Variants in TRAPPC9 observed in about 807,000 individuals in gnomAD.
TRAPPC9 encodes the protein trafficking protein particle complex subunit 9.
TRAPPC9 carries 83 observed loss-of-function variants against 124.0 expected under a neutral mutation model. That is an observed-to-expected ratio of 0.67 (90% CI 0.56 to 0.80). The LOEUF (loss-of-function observed/expected upper bound fraction) is 0.80. TRAPPC9 is among the 30% of genes least tolerant of loss of function. TRAPPC9 has a pLI of 0.00. For missense variants in TRAPPC9, 1,302 were observed against 1,508.3 expected, an observed-to-expected ratio of 0.86 and a Z score of 2.27; for synonymous variants, 638 against 617.5, an observed-to-expected ratio of 1.03 and a Z score of -0.49.
At chr8:139,808,679 A>C (rs1164576873) in intron 21 of TRAPPC9, among the ~76,000 whole-genome samples, 4 of 152,100 alleles carry the variant, frequency 2.6e-5, no homozygotes, top group African/African-American at 9.7e-5. Flanking sequence ...AGATTTACCA[A>C]TTCTGGATGT....
intron 10 of TRAPPC9, among the ~76,000 whole-genome samples, chr8:140,306,293 AG>A (rs1314638700): frequency 6.6e-6 from 1 of 152,136 alleles, no homozygotes; most frequent in African/African-American, 2.4e-5. Flanking sequence ...CAAGGGTTTG[AG>A]ACCAGCCTGG....
chr8:140,428,020 C>T (rs2070491464), intron 4 of TRAPPC9, among the ~76,000 whole-genome samples: 1 of 152,178 alleles, frequency 6.6e-6, no homozygotes, highest in Admixed American at 6.5e-5. Context: ...GCCCCACCGC[C>T]ACACACGCCA....
intron 17 of TRAPPC9, among the ~76,000 whole-genome samples, chr8:140,136,325 C>A (rs2061302748): frequency 6.6e-6 from 1 of 152,158 alleles, no homozygotes; most frequent in African/African-American, 2.4e-5. Context: ...CAGGAGCCCA[C>A]ACAGGAGGAC....
chr8:139,767,006 G>A (rs927192852), intron 21 of TRAPPC9, among the ~76,000 whole-genome samples: 9 of 152,142 alleles, frequency 5.9e-5, no homozygotes, highest in South Asian at 2.1e-4. Context: ...CACAGGGCCC[G>A]GCTGGCAGTT....
intron 6 of TRAPPC9, among the ~76,000 whole-genome samples, chr8:140,401,304 C>T (rs951417506): frequency 1.3e-5 from 2 of 151,872 alleles, no homozygotes; most frequent in Non-Finnish European, 2.9e-5. Context: ...TCATTCCTCC[C>T]CTTTTCCACA....
At chr8:140,222,055 G>A (rs2063348568) in intron 16 of TRAPPC9, among the ~76,000 whole-genome samples, 1 of 152,138 alleles carries the variant, frequency 6.6e-6, no homozygotes, top group African/African-American at 2.4e-5. Flanking sequence ...TTACCACCTG[G>A]ATGTGATGAC....
chr8:139,782,807 T>C (rs1247745555), intron 21 of TRAPPC9, among the ~76,000 whole-genome samples: 1 of 152,212 alleles, frequency 6.6e-6, no homozygotes, highest in East Asian at 1.9e-4. Context: ...ACCATATTCT[T>C]GACTAGAAGT....
intron 18 of TRAPPC9, among the ~76,000 whole-genome samples, chr8:140,017,249 T>A (rs1185917924): frequency 6.6e-6 from 1 of 152,184 alleles, no homozygotes; most frequent in Non-Finnish European, 1.5e-5. Flanking sequence ...TCCTATCAAG[T>A]CTTAGTTTTA....
chr8:139,835,482 G>T (rs1413236561), intron 21 of TRAPPC9, among the ~76,000 whole-genome samples: 1 of 152,230 alleles, frequency 6.6e-6, no homozygotes, highest in Non-Finnish European at 1.5e-5. Context: ...GCTGTGCGTG[G>T]ATGCACGGAT....
chr8:139,823,239 T>C (rs1324679721), intron 21 of TRAPPC9, among the ~76,000 whole-genome samples: 3 of 152,060 alleles, frequency 2.0e-5, no homozygotes, highest in Non-Finnish European at 1.5e-5. Context: ...GCTTTGATTG[T>C]CACAGGAAGG....
chr8:140,033,977 C>T (rs1840720183), intron 17 of TRAPPC9, among the ~76,000 whole-genome samples: 1 of 152,148 alleles, frequency 6.6e-6, no homozygotes, highest in South Asian at 2.1e-4. Flanking sequence ...CCACTGTGCC[C>T]AGCCCATTAT....
intron 17 of TRAPPC9, among the ~76,000 whole-genome samples, chr8:140,169,371 C>T (rs1048193157): frequency 6.6e-6 from 1 of 152,134 alleles, no homozygotes; most frequent in African/African-American, 2.4e-5. Context: ...CTGTCGAATA[C>T]AGCTCCTCAA....
At chr8:140,042,451 G>A (rs929111542) in intron 17 of TRAPPC9, among the ~76,000 whole-genome samples, 1 of 152,222 alleles carries the variant, frequency 6.6e-6, no homozygotes, top group African/African-American at 2.4e-5. Context: ...CTCCAAGGAT[G>A]GTTCCGGCTG....
chr8:140,065,795 G>A (rs1842870378), intron 17 of TRAPPC9, among the ~76,000 whole-genome samples: 1 of 152,244 alleles, frequency 6.6e-6, no homozygotes. Flanking sequence ...TGATGGAGAT[G>A]TACAAGAAGG....
intron 17 of TRAPPC9, among the ~76,000 whole-genome samples, chr8:140,157,637 C>T (rs567594948): frequency 6.6e-6 from 1 of 152,150 alleles, no homozygotes; most frequent in East Asian, 1.9e-4. Flanking sequence ...CTCTCAGATA[C>T]CAATTCTGTG....
intron 17 of TRAPPC9, among the ~76,000 whole-genome samples, chr8:140,036,512 A>G (rs961907650): frequency 6.6e-6 from 1 of 152,172 alleles, no homozygotes; most frequent in Admixed American, 6.5e-5. Flanking sequence ...ATGCACTACC[A>G]GTTTACTCAA....
At chr8:139,851,587 C>T (rs1827465664) in intron 21 of TRAPPC9, among the ~76,000 whole-genome samples, 11 of 152,122 alleles carry the variant, frequency 7.2e-5, no homozygotes, top group Admixed American at 7.2e-4. Flanking sequence ...GGAAGCAGAG[C>T]AAGTGGGATA....
chr8:140,340,887 T>G (rs1398477516), intron 9 of TRAPPC9, among the ~76,000 whole-genome samples: 1 of 152,192 alleles, frequency 6.6e-6, no homozygotes, highest in East Asian at 1.9e-4. Context: ...GAAACACTCT[T>G]TGGAAGTCAC....
At chr8:139,734,742 G>A (rs144441560) in intron 21 of TRAPPC9, among the ~76,000 whole-genome samples, 1,946 of 152,354 alleles carry the variant, frequency 0.013, 23 homozygotes, top group South Asian at 0.022. Context: ...GAGAAGGAAC[G>A]CTCAGCCAAG....
Sources: gnomAD v4.1 joint callset for allele counts (sites outside exome capture counted in the v4.1 genomes callset) on GRCh38, gnomAD v4.1.1 for gene constraint, MANE v1.5 for transcripts, NCBI Gene and HGNC (gene_info 2026-07-23, HGNC 2026-07-21) for gene names.